GRIA1: variants seen among roughly 807,000 people sequenced by gnomAD.
GRIA1 encodes glutamate receptor 1.
Under a neutral mutation model 99.2 loss-of-function variants are expected in GRIA1, and 31 were observed. That is an observed-to-expected ratio of 0.31 (90% CI 0.23 to 0.42). The LOEUF is 0.42. Among genes scored for constraint, GRIA1 ranks in the 10% least tolerant of loss-of-function variants. GRIA1 has a pLI of 1.00. For missense variants in GRIA1, 782 were observed against 1,157.5 expected (o/e 0.68, Z 4.71); for synonymous variants, 438 against 432.4 (o/e 1.01, Z -0.16).
chr5:153,717,036 A>T (rs1262754147), intron 11 of GRIA1, among the ~76,000 whole-genome samples: 1 of 152,180 alleles, frequency 6.6e-6, no homozygotes, highest in Non-Finnish European at 1.5e-5. Flanking sequence ...GAGGATGAAC[A>T]ATAATGGTTG....
chr5:153,602,283 A>G (rs1281940602), intron 2 of GRIA1, among the ~76,000 whole-genome samples: 1 of 152,068 alleles, frequency 6.6e-6, no homozygotes, highest in Non-Finnish European at 1.5e-5. Context: ...CACAAGGACA[A>G]AAAACCAAAC....
chr5:153,740,340 G>C (rs1174298610), intron 11 of GRIA1, among the ~76,000 whole-genome samples: 1 of 152,248 alleles, frequency 6.6e-6, no homozygotes, highest in Non-Finnish European at 1.5e-5. Context: ...TGGAGGGCTA[G>C]ATGGAGAACT....
chr5:153,767,263 G>A (rs148122362), intron 12 of GRIA1, among the ~76,000 whole-genome samples: 2 of 152,298 alleles, frequency 1.3e-5, no homozygotes, highest in East Asian at 3.9e-4. Flanking sequence ...ACTGTGAAGT[G>A]CACAGTATTA....
At chr5:153,615,750 T>G (rs1766436982) in intron 2 of GRIA1, among the ~76,000 whole-genome samples, 1 of 152,174 alleles carries the variant, frequency 6.6e-6, no homozygotes, top group African/African-American at 2.4e-5. Flanking sequence ...TAGGTCATCT[T>G]TATACTCGTA....
At position 153,607,227 on chromosome 5, in the gene GRIA1, T is replaced by C. The variant is rs1280111142; in HGVS notation, c.221-39701T>C. On this transcript the variant is annotated intron_variant, in intron 2 of 15. Transcript: ENST00000285900. ...GGTAGATTTATAATCTCACCTTCTA[T>C]ACTATTGACATTGGTGGATTTTTTG... Among the ~76,000 whole-genome samples the C allele has an allele frequency of 3.3e-5, 5 of 151,790 alleles. No individual in the cohort carries two copies. In the East Asian group the frequency reaches 9.6e-4, roughly 29 times the overall value.
In GRIA1 at chr5:153,566,716, C is replaced by CTTT. The variant is rs56127811; in HGVS notation, c.220+72666_220+72668dup. On this transcript the variant is annotated intron_variant, in intron 2 of 15. Coordinates refer to ENST00000285900, the MANE Select transcript of GRIA1 (RefSeq NM_000827.4). Reference sequence around the variant, plus strand: ...TCAGATATACATTTGCAAATATTGTCTTTTTTTTTTTTTTTTTGAGACGGA... The same window carrying CTTT: ...TCAGATATACATTTGCAAATATTGTCTTTTTTTTTTTTTTTTTTTTGAGACGGA... 2.5e-3 allele frequency among the ~76,000 whole-genome samples: 288 copies of CTTT among 116,532 alleles called. 10 individuals are homozygous for CTTT. Among genetic ancestry groups the CTTT allele is most frequent in the Middle Eastern group, 7.9e-3 (1 of 126 alleles). The allele number at this position is 116,532 out of a possible 152,430, so 76.4% of individuals were successfully genotyped here.
intron 15 of GRIA1, among the ~76,000 whole-genome samples, chr5:153,806,159 A>G (rs547037970): frequency 2.0e-5 from 3 of 152,318 alleles, no homozygotes; most frequent in Non-Finnish European, 4.4e-5. Flanking sequence ...CCAACCTTAC[A>G]GAGACCCAAA....
intron 2 of GRIA1, among the ~76,000 whole-genome samples, chr5:153,620,345 T>A (rs1246769872): frequency 1.3e-5 from 2 of 152,034 alleles, no homozygotes; most frequent in Admixed American, 1.3e-4. Context: ...ATCTCTGAGA[T>A]TCTACTTGAG....
At chr5:153,787,219 C>G (rs546525940) in intron 13 of GRIA1, among the ~76,000 whole-genome samples, 1 of 152,162 alleles carries the variant, frequency 6.6e-6, no homozygotes, top group Admixed American at 6.5e-5. Flanking sequence ...ACAAGTTCAT[C>G]CTAGAAATTG....
intron 2 of GRIA1, among the ~76,000 whole-genome samples, chr5:153,521,804 ATAT>A (rs1310028209): frequency 5.3e-5 from 8 of 152,264 alleles, no homozygotes; most frequent in East Asian, 1.9e-4. Context: ...TACACCAAAG[ATAT>A]TATAGCACAC....
intron 11 of GRIA1, among the ~76,000 whole-genome samples, chr5:153,709,358 GA>G (rs942788191): frequency 4.6e-5 from 7 of 152,150 alleles, no homozygotes; most frequent in Non-Finnish European, 5.9e-5. Flanking sequence ...AGTATTTGGG[GA>G]AATCAATTTC....
At chr5:153,654,622 T>C (rs1421437595) in intron 4 of GRIA1, among the ~76,000 whole-genome samples, 2 of 152,212 alleles carry the variant, frequency 1.3e-5, no homozygotes, top group Non-Finnish European at 2.9e-5. Flanking sequence ...TGCTTGCATT[T>C]AATTATTCCC....
At chr5:153,634,366 G>A (rs1383417144) in intron 2 of GRIA1, among the ~76,000 whole-genome samples, 1 of 151,906 alleles carries the variant, frequency 6.6e-6, no homozygotes, top group African/African-American at 2.4e-5. Context: ...TTTAGAGAAG[G>A]CCTCTATGAA....
At chr5:153,786,920 G>A (rs1170428481) in intron 13 of GRIA1, among the ~76,000 whole-genome samples, 1 of 152,196 alleles carries the variant, frequency 6.6e-6, no homozygotes, top group African/African-American at 2.4e-5. Flanking sequence ...TCTGTAGGAG[G>A]ACAAGCAAAG....
intron 2 of GRIA1, among the ~76,000 whole-genome samples, chr5:153,543,125 T>C (rs1175842261): frequency 6.6e-6 from 1 of 152,076 alleles, no homozygotes; most frequent in African/African-American, 2.4e-5. Context: ...GCACACATGG[T>C]AGGAGGGTTG....
chr5:153,603,727 C>T (rs189003486), intron 2 of GRIA1, among the ~76,000 whole-genome samples: 71 of 152,246 alleles, frequency 4.7e-4, no homozygotes, highest in African/African-American at 1.6e-3. Context: ...TAGTAAAGGA[C>T]AGGCTGAGTG....
intron 14 of GRIA1, among the ~76,000 whole-genome samples, chr5:153,801,847 C>T (rs985474399): frequency 2.0e-5 from 3 of 147,754 alleles, no homozygotes; most frequent in Non-Finnish European, 1.5e-5. Flanking sequence ...ATCGAATGCA[C>T]ATCTAGGGGA....
At chr5:153,638,608 A>G (rs997469053) in intron 2 of GRIA1, among the ~76,000 whole-genome samples, 1 of 152,226 alleles carries the variant, frequency 6.6e-6, no homozygotes, top group East Asian at 1.9e-4. Flanking sequence ...CAATGGTGAG[A>G]CCCTAAAGAG....
chr5:153,606,733 T>A (rs1275038853), intron 2 of GRIA1, among the ~76,000 whole-genome samples: 1 of 151,942 alleles, frequency 6.6e-6, no homozygotes, highest in East Asian at 1.9e-4. Context: ...ATTGATTTTA[T>A]GTCTCGTGAC....
Sources: gnomAD v4.1 joint callset for allele counts (sites outside exome capture counted in the v4.1 genomes callset) on GRCh38, gnomAD v4.1.1 for gene constraint, MANE v1.5 for transcripts, NCBI Gene and HGNC (gene_info 2026-07-23, HGNC 2026-07-21) for gene names.